Variants in CDK14 observed in about 807,000 individuals in gnomAD.
The protein encoded by CDK14 is cyclin dependent kinase 14.
Under a neutral mutation model 60.7 loss-of-function variants are expected in CDK14, and 34 were observed. The ratio of observed to expected loss-of-function variants is 0.56; its 90% CI spans 0.43 to 0.75. The LOEUF (loss-of-function observed/expected upper bound fraction) is 0.75, where lower values mean the gene tolerates loss of function less well. Ranked by LOEUF, CDK14 falls within the 30% of genes least tolerant of loss-of-function variation. The probability of loss-of-function intolerance (pLI) is 0.00; values close to 1 mark genes in which losing one functional copy is unlikely to be tolerated. For missense variants in CDK14, 482 were observed against 564.1 expected, an observed-to-expected ratio of 0.85 and a Z score of 1.47; for synonymous variants, 197 against 203.7, an observed-to-expected ratio of 0.97 and a Z score of 0.28.
chr7:91,170,939 G>C (rs939858905), intron 14 of CDK14, among the ~76,000 whole-genome samples: 3 of 151,544 alleles, frequency 2.0e-5, no homozygotes, highest in African/African-American at 7.3e-5. Flanking sequence ...GCTAATTTTT[G>C]TATTTTTTAG....
chr7:90,879,120 C>A (rs1437970698), intron 6 of CDK14, among the ~76,000 whole-genome samples: 1 of 152,174 alleles, frequency 6.6e-6, no homozygotes, highest in East Asian at 1.9e-4. Context: ...CTTGGACTAT[C>A]CTGACTGAAG....
chr7:90,678,264 G>A (rs566022029), intron 2 of CDK14, among the ~76,000 whole-genome samples: 1 of 152,324 alleles, frequency 6.6e-6, no homozygotes, highest in South Asian at 2.1e-4. Flanking sequence ...AACAGCAGAG[G>A]AGGAGAGAGT....
intron 7 of CDK14, among the ~76,000 whole-genome samples, chr7:90,902,986 T>G (rs984880147): frequency 1.3e-5 from 2 of 152,108 alleles, no homozygotes; most frequent in African/African-American, 4.8e-5. Context: ...TAGTAAAACA[T>G]GCTCAACATG....
At chr7:91,145,931 TTTATTTA>T (rs1800620219) in intron 14 of CDK14, among the ~76,000 whole-genome samples, 1 of 151,200 alleles carries the variant, frequency 6.6e-6, no homozygotes, top group Non-Finnish European at 1.5e-5. Context: ...TATTTATTTA[TTTATTTA>T]TTTATTTATT....
chr7:90,687,886 T>C (rs530806135), intron 2 of CDK14, among the ~76,000 whole-genome samples: 1 of 152,310 alleles, frequency 6.6e-6, no homozygotes, highest in Non-Finnish European at 1.5e-5. Context: ...CCTCTTTCTT[T>C]TGATGATGAT....
At position 90,912,105 on chromosome 7, in the gene CDK14, T is replaced by C. The variant is rs1249231323; in HGVS notation, c.703-5496T>C. Reference sequence around the variant, plus strand: ...GAATATAAATCTTCAGTGATCCGACTGATGGATTTGGGATGAATCTCCTTT... The same window carrying C: ...GAATATAAATCTTCAGTGATCCGACCGATGGATTTGGGATGAATCTCCTTT... On this transcript the variant is annotated intron_variant, in intron 7 of 14. Coordinates refer to ENST00000380050, the MANE Select transcript of CDK14 (RefSeq NM_001287135.2). 3.9e-5 allele frequency among the ~76,000 whole-genome samples: 6 copies of C among 152,350 alleles called. 1 individual carries two copies. Among genetic ancestry groups the C allele is most frequent in the Admixed American group, 3.9e-4 (6 of 15,294 alleles).
intron 5 of CDK14, among the ~76,000 whole-genome samples, chr7:90,851,568 T>A (rs1790646533): frequency 3.3e-5 from 5 of 152,102 alleles, no homozygotes; most frequent in Admixed American, 3.3e-4. Flanking sequence ...CAAGTGTACA[T>A]TGCAGAGACT....
At chr7:90,728,872 C>T (rs561301553) in intron 3 of CDK14, among the ~76,000 whole-genome samples, 17 of 152,164 alleles carry the variant, frequency 1.1e-4, no homozygotes, top group Admixed American at 2.0e-4. Context: ...TAAGTACTCT[C>T]AAATGTCGCT....
At chr7:90,981,138 G>C (rs1003917911) in intron 9 of CDK14, among the ~76,000 whole-genome samples, 2 of 152,128 alleles carry the variant, frequency 1.3e-5, no homozygotes, top group Admixed American at 6.6e-5. Flanking sequence ...GTATTTTATT[G>C]TATAAACTAA....
intron 4 of CDK14, among the ~76,000 whole-genome samples, chr7:90,768,041 A>G (rs561684834): frequency 6.6e-6 from 1 of 152,324 alleles, no homozygotes; most frequent in South Asian, 2.1e-4. Context: ...GTATTTATTC[A>G]CATAAACTGT....
chr7:90,749,334 G>A (rs114879645), intron 4 of CDK14, among the ~76,000 whole-genome samples: 1,941 of 152,100 alleles, frequency 0.013, 56 homozygotes, highest in African/African-American at 0.045. Flanking sequence ...AGCATTCAAA[G>A]CACCTGCTCA....
chr7:91,019,619 G>A (rs2084317804), intron 10 of CDK14, among the ~76,000 whole-genome samples: 1 of 151,872 alleles, frequency 6.6e-6, no homozygotes, highest in South Asian at 2.1e-4. Flanking sequence ...TTTTTGTAAT[G>A]CCTTAATTTC....
At chr7:90,750,595 G>C (rs982879423) in intron 4 of CDK14, among the ~76,000 whole-genome samples, 1 of 152,260 alleles carries the variant, frequency 6.6e-6, no homozygotes, top group Admixed American at 6.5e-5. Context: ...AATTGAGGCC[G>C]GACGTGGTGG....
At chr7:91,019,136 A>G (rs965081640) in intron 10 of CDK14, among the ~76,000 whole-genome samples, 3 of 152,214 alleles carry the variant, frequency 2.0e-5, no homozygotes, top group Non-Finnish European at 4.4e-5. Context: ...AGAGCCTGGC[A>G]TATAGTAAAC....
chr7:90,904,061 A>G (rs968616494), intron 7 of CDK14, among the ~76,000 whole-genome samples: 1 of 152,024 alleles, frequency 6.6e-6, no homozygotes, highest in Non-Finnish European at 1.5e-5. Flanking sequence ...GCTGGCTTCC[A>G]TTGCTCCTCA....
chr7:90,896,654 G>A (rs1792346947), intron 6 of CDK14, among the ~76,000 whole-genome samples: 1 of 152,122 alleles, frequency 6.6e-6, no homozygotes, highest in Admixed American at 6.5e-5. Flanking sequence ...ATGCCATTGA[G>A]TAAACTCTGC....
intron 10 of CDK14, among the ~76,000 whole-genome samples, chr7:91,031,722 T>C (rs1206057973): frequency 6.6e-6 from 1 of 152,192 alleles, no homozygotes; most frequent in East Asian, 1.9e-4. Flanking sequence ...ATAACAAACA[T>C]GTTCTTTTCT....
At chr7:90,671,775 G>A (rs964238572) in intron 2 of CDK14, among the ~76,000 whole-genome samples, 1 of 152,196 alleles carries the variant, frequency 6.6e-6, no homozygotes, top group African/African-American at 2.4e-5. Flanking sequence ...TTGTGGTTAT[G>A]AAACTTGCAT....
At chr7:90,683,712 G>C (rs1801371463) in intron 2 of CDK14, among the ~76,000 whole-genome samples, 1 of 152,132 alleles carries the variant, frequency 6.6e-6, no homozygotes, top group Non-Finnish European at 1.5e-5. Context: ...GAGGCAGGAG[G>C]ATTGCTTGAA....
Sources: gnomAD v4.1 joint callset for allele counts (sites outside exome capture counted in the v4.1 genomes callset) on GRCh38, gnomAD v4.1.1 for gene constraint, MANE v1.5 for transcripts, NCBI Gene and HGNC (gene_info 2026-07-23, HGNC 2026-07-21) for gene names.